Variants in VTI1A observed in about 807,000 individuals in gnomAD.
The protein encoded by VTI1A is vesicle transport through interaction with t-SNAREs 1A.
Under a neutral mutation model 34.9 loss-of-function variants are expected in VTI1A, and 22 were observed. The ratio of observed to expected loss-of-function variants is 0.63; its 90% CI spans 0.45 to 0.90. The LOEUF (loss-of-function observed/expected upper bound fraction) is 0.90, where lower values mean the gene tolerates loss of function less well. VTI1A is among the 40% of genes least tolerant of loss of function. VTI1A has a pLI of 0.00. For synonymous variants in VTI1A, 87 were observed against 97.3 expected (o/e 0.89, Z 0.62); for missense variants, 268 against 275.6 (o/e 0.97, Z 0.20).
chr10:112,823,611 C>G (rs1490531584), downstream of VTI1A: 2 of 152,210 alleles, frequency 1.3e-5, no homozygotes, highest in Non-Finnish European at 2.9e-5. Context: ...TCCTCCCGCA[C>G]CATCCTCCCC....
At chr10:112,742,628 C>T (rs987561932) in intron 7 of VTI1A, among the ~76,000 whole-genome samples, 2 of 152,162 alleles carry the variant, frequency 1.3e-5, no homozygotes, top group Non-Finnish European at 2.9e-5. Context: ...GATCTCCTTT[C>T]AGGATGTCAA....
chr10:112,648,682 C>T (rs1027789942), intron 5 of VTI1A, among the ~76,000 whole-genome samples: 5 of 152,188 alleles, frequency 3.3e-5, no homozygotes, highest in African/African-American at 1.2e-4. Flanking sequence ...CTTAGACATT[C>T]TTTCTACTCA....
chr10:112,656,998 C>T (rs1428605212), intron 5 of VTI1A, among the ~76,000 whole-genome samples: 2 of 152,142 alleles, frequency 1.3e-5, no homozygotes, highest in Admixed American at 6.5e-5. Flanking sequence ...CTCTCTTGGT[C>T]CTGCTCCTGC....
At chr10:112,679,086 C>T (rs984651924) in intron 7 of VTI1A, among the ~76,000 whole-genome samples, 3 of 151,856 alleles carry the variant, frequency 2.0e-5, no homozygotes, top group African/African-American at 7.3e-5. Context: ...TTTAAGCCAC[C>T]GTTAGGGCAG....
At chr10:112,490,321 A>C (rs989884310) in intron 3 of VTI1A, among the ~76,000 whole-genome samples, 1 of 152,350 alleles carries the variant, frequency 6.6e-6, no homozygotes, top group South Asian at 2.1e-4. Flanking sequence ...AGTTTGGCTC[A>C]CCGGTTGGTT....
intron 5 of VTI1A, among the ~76,000 whole-genome samples, chr10:112,623,740 G>A (rs1845818973): frequency 6.6e-6 from 1 of 152,138 alleles, no homozygotes; most frequent in South Asian, 2.1e-4. Flanking sequence ...AAAATCTTCA[G>A]TGCTTCAGGA....
intron 3 of VTI1A, among the ~76,000 whole-genome samples, chr10:112,465,694 C>T (rs893347935): frequency 7.2e-5 from 11 of 151,930 alleles, no homozygotes; most frequent in Non-Finnish European, 1.3e-4. Flanking sequence ...TGGTAGTTAC[C>T]GGGGACTTGA....
At position 112,594,392 on chromosome 10, in the gene VTI1A, T is replaced by C. The variant is rs563243687; in HGVS notation, c.427+56062T>C. Among the ~76,000 whole-genome samples, 73 of 152,248 alleles carry C rather than the reference T, an allele frequency of 4.8e-4. 1 individual carries two copies. The South Asian group carries it at 5.0e-3, about 10-fold the overall frequency. On this transcript the variant is annotated intron_variant, in intron 5 of 7. Transcript: ENST00000393077. ...AAATTGTCACTGTTCACAGACGACA[T>C]GATTGTATATCTAGAAAACCCCATT...
chr10:112,848,434 A>T, the VTI1A span, among the ~76,000 whole-genome samples: 6 of 152,214 alleles, frequency 3.9e-5, no homozygotes, highest in Admixed American at 3.9e-4. Flanking sequence ...AGATGACCTG[A>T]TGACACAGTC....
In VTI1A at chr10:112,816,409, C is replaced by T. The variant is rs1853523816; in HGVS notation, c.*1026C>T. 4.4e-6 allele frequency: 1 copy of T among 224,796 alleles called. No individual in the cohort carries two copies. Among genetic ancestry groups the T allele is most frequent in the South Asian group, 1.8e-4 (1 of 5,482 alleles). 13.9% of individuals were successfully genotyped at this position (224,796 alleles called of 1,614,324 possible). On this transcript the variant is annotated 3_prime_UTR_variant, in exon 8 of 8. Coordinates refer to ENST00000393077, the MANE Select transcript of VTI1A (RefSeq NM_145206.4). ...AAACTTCACGGAAAACGTTCCCTAA[C>T]CTCCTTTAAAAGAATAGAGGATGGC...
In VTI1A at chr10:112,806,882, T is replaced by C. The variant is rs76638043; in HGVS notation, c.561-8408T>C. On this transcript the variant is annotated intron_variant, in intron 7 of 7. Transcript: ENST00000393077. ...GATTTCAGGCATGAGCCAATGTACC[T>C]GGCCTTCTTCCTGTTTTAAATGGCC... 4.5e-4 allele frequency among the ~76,000 whole-genome samples: 69 copies of C among 152,344 alleles called. No homozygotes were observed. The East Asian group carries it at 0.012, about 26-fold the overall frequency.
intron 3 of VTI1A, among the ~76,000 whole-genome samples, chr10:112,512,007 T>A (rs1203523326): frequency 6.6e-6 from 1 of 152,174 alleles, no homozygotes; most frequent in Non-Finnish European, 1.5e-5. Flanking sequence ...TGCTTGTGAG[T>A]AGTGCTACAA....
At chr10:112,793,654 TTAAAAATAGCTTCCTTGG>T (rs1200778410) in intron 7 of VTI1A, among the ~76,000 whole-genome samples, 3 of 152,336 alleles carry the variant, frequency 2.0e-5, no homozygotes, top group Middle Eastern at 3.4e-3. Flanking sequence ...AATTAGATAC[TTAAAAATAGCTTCCTTGG>T]TGGCACTGCT....
chr10:112,614,394 A>G (rs1845439308), intron 5 of VTI1A, among the ~76,000 whole-genome samples: 1 of 152,186 alleles, frequency 6.6e-6, no homozygotes, highest in African/African-American at 2.4e-5. Flanking sequence ...AAGTGTAGAC[A>G]GCAGCGGTTA....
At chr10:112,617,735 G>C (rs1161084084) in intron 5 of VTI1A, among the ~76,000 whole-genome samples, 1 of 151,734 alleles carries the variant, frequency 6.6e-6, no homozygotes, top group African/African-American at 2.4e-5. Context: ...ATAAAAATAA[G>C]ACTAAAAACA....
chr10:112,538,392 A>G, intron 5 of VTI1A, 62 bp downstream of exon 5: 2 of 1,480,652 alleles, frequency 1.4e-6, no homozygotes, highest in Non-Finnish European at 1.9e-6. Flanking sequence ...ACAACACATG[A>G]CATTTCAGGG....
chr10:112,823,053 A>G (rs918752465), downstream of VTI1A, among the ~76,000 whole-genome samples: 1 of 152,170 alleles, frequency 6.6e-6, no homozygotes, highest in East Asian at 1.9e-4. Flanking sequence ...CACCTTCTAC[A>G]CTGCCCCCTG....
chr10:112,681,780 TA>T (rs1451530455), intron 7 of VTI1A, among the ~76,000 whole-genome samples: 3 of 152,206 alleles, frequency 2.0e-5, no homozygotes, highest in African/African-American at 7.2e-5. Context: ...GTCTTTGAAA[TA>T]ATACTGCATG....
intron 3 of VTI1A, among the ~76,000 whole-genome samples, chr10:112,507,048 G>A (rs1378412898): frequency 1.3e-5 from 2 of 151,872 alleles, no homozygotes; most frequent in Admixed American, 6.6e-5. Context: ...GGGAGCAGTT[G>A]TTTTGGCTTT....
Sources: gnomAD v4.1 joint callset for allele counts (sites outside exome capture counted in the v4.1 genomes callset) on GRCh38, gnomAD v4.1.1 for gene constraint, MANE v1.5 for transcripts, NCBI Gene and HGNC (gene_info 2026-07-23, HGNC 2026-07-21) for gene names.